Variants in ZMYM1 observed in about 807,000 individuals in gnomAD.
ZMYM1 encodes zinc finger MYM-type protein 1.
ZMYM1 carries 39 observed loss-of-function variants against 60.0 expected under a neutral mutation model. The ratio of observed to expected loss-of-function variants is 0.65; its 90% confidence interval spans 0.50 to 0.85. ZMYM1 has a LOEUF of 0.85. ZMYM1 is among the 40% of genes least tolerant of loss of function. The probability of loss-of-function intolerance (pLI) is 0.00; values close to 1 mark genes in which losing one functional copy is unlikely to be tolerated. For synonymous variants in ZMYM1, 413 were observed against 454.0 expected, an observed-to-expected ratio of 0.91 and a Z score of 1.15; for missense variants, 1,171 against 1,309.5, an observed-to-expected ratio of 0.89 and a Z score of 1.63.
intron 1 of ZMYM1, among the ~76,000 whole-genome samples, chr1:35,061,820 T>TTTATTTATTTATTTATTTATTTA (rs1641882767): frequency 5.5e-5 from 8 of 145,574 alleles, no homozygotes; most frequent in African/African-American, 2.2e-4. Flanking sequence ...TCCCTTTTAT[T>TTTATTTATTTATTTATTTATTTA]TTTATTTATT....
At position 35,113,002 on chromosome 1, in the gene ZMYM1, C is replaced by A. The variant is rs1003379963; in HGVS notation, c.1172C>A (p.Pro391His). 6.4e-7 allele frequency: 1 copy of A among 1,572,250 alleles called. No homozygotes were observed. Among genetic ancestry groups the A allele is most frequent in the Non-Finnish European group, 8.6e-7 (1 of 1,162,146 alleles). Residue 391 changes from proline to histidine, a missense_variant, in exon 10 of 10, where the codon CCC becomes CAC. By Grantham distance (77) the Pro-to-His change is moderately conservative. Coordinates refer to ENST00000359858, the MANE Select transcript of ZMYM1 (RefSeq NM_024772.5). Reference sequence around the variant, plus strand: ...CTTTCTAAGAGTTCACCTAGTGAACCCAGTAATGCTGTTGCTAGTAGTAGT... The same window carrying A: ...CTTTCTAAGAGTTCACCTAGTGAACACAGTAATGCTGTTGCTAGTAGTAGT... ...VDLSKSSPSEPSNAVASSSTE... is the reference protein window; with the variant it reads ...VDLSKSSPSEHSNAVASSSTE...
At chr1:35,102,934 C>A (rs910032711) in intron 4 of ZMYM1, among the ~76,000 whole-genome samples, 1 of 152,102 alleles carries the variant, frequency 6.6e-6, no homozygotes, top group Non-Finnish European at 1.5e-5. Context: ...AAATATTTTG[C>A]TGTTTCATTG....
At chr1:35,085,750 A>G (rs1642620152) in intron 1 of ZMYM1, among the ~76,000 whole-genome samples, 1 of 152,154 alleles carries the variant, frequency 6.6e-6, no homozygotes, top group Admixed American at 6.6e-5. Flanking sequence ...ATAGGGAATT[A>G]TTGTTGTTAA....
upstream of ZMYM1, among the ~76,000 whole-genome samples, chr1:35,077,876 C>T (rs72905061): frequency 3.5e-3 from 527 of 152,306 alleles, 5 homozygotes; most frequent in African/African-American, 0.012. Flanking sequence ...TGCAATTCCC[C>T]GTCTTGATAA....
At chr1:35,106,608 CAAAAAAAAAA>C (rs752085700) in intron 6 of ZMYM1, among the ~76,000 whole-genome samples, 60 of 38,862 alleles carry the variant, frequency 1.5e-3, no homozygotes, top group African/African-American at 5.3e-3. Context: ...GACTCCGTCT[CAAAAAAAAAA>C]AAAAAAAAAA....
chr1:35,068,649 A>AAAAT (rs1451846357), intron 1 of ZMYM1, among the ~76,000 whole-genome samples: 1 of 145,280 alleles, frequency 6.9e-6, no homozygotes, highest in East Asian at 2.0e-4. Flanking sequence ...CAAAAAAAAA[A>AAAAT]ATATATATAT....
chr1:35,100,117 C>T (rs902469233), intron 4 of ZMYM1, among the ~76,000 whole-genome samples: 6 of 152,082 alleles, frequency 3.9e-5, no homozygotes, highest in Non-Finnish European at 7.4e-5. Flanking sequence ...TCTCGAACTC[C>T]GGACCTCAGG....
At chr1:35,087,476 GAGTGC>G (rs1206276477) in intron 1 of ZMYM1, among the ~76,000 whole-genome samples, 4 of 151,158 alleles carry the variant, frequency 2.6e-5, no homozygotes, top group Non-Finnish European at 5.9e-5. Context: ...GCCCAGGCTG[GAGTGC>G]AATGGCGCAG....
chr1:35,117,731 G>A (rs1441399554), downstream of ZMYM1, among the ~76,000 whole-genome samples: 3 of 151,952 alleles, frequency 2.0e-5, no homozygotes, highest in Non-Finnish European at 2.9e-5. Context: ...ACTTGAGGTC[G>A]GGAGTTCAAG....
upstream of ZMYM1, among the ~76,000 whole-genome samples, chr1:35,076,381 G>A (rs12082812): frequency 0.12 from 18,897 of 152,176 alleles, 3,773 homozygotes; most frequent in African/African-American, 0.42. Context: ...CAGCACTTTG[G>A]GAGGCTGAGG....
chr1:35,111,497 T>TTTTAACAAATTAAAGAA (rs1370227196), intron 7 of ZMYM1, among the ~76,000 whole-genome samples: 2 of 152,210 alleles, frequency 1.3e-5, no homozygotes, highest in Admixed American at 1.3e-4. Flanking sequence ...TTGCTCATAA[T>TTTTAACAAATTAAAGAA]TTTAAACAAA....
intron 2 of ZMYM1, 87 bp from the exon 3 acceptor site, chr1:35,095,732 A>G (rs1362644551): frequency 1.0e-5 from 12 of 1,162,358 alleles, no homozygotes; most frequent in Non-Finnish European, 1.5e-5. Flanking sequence ...AGACTTGACC[A>G]CAATTTATCA....
intron 4 of ZMYM1, among the ~76,000 whole-genome samples, chr1:35,100,573 G>A (rs1569972096): frequency 6.6e-6 from 1 of 151,156 alleles, no homozygotes; most frequent in East Asian, 2.0e-4. Flanking sequence ...AGTGAGCTGA[G>A]ATTGTACGAC....
At chr1:35,106,308 TC>T (rs1163129539) in intron 6 of ZMYM1, among the ~76,000 whole-genome samples, 1 of 151,878 alleles carries the variant, frequency 6.6e-6, no homozygotes, top group African/African-American at 2.4e-5. Context: ...TATACAGACT[TC>T]CTTAAAAACA....
downstream of ZMYM1, among the ~76,000 whole-genome samples, chr1:35,117,143 T>A (rs1570059847): frequency 6.6e-6 from 1 of 151,512 alleles, no homozygotes; most frequent in African/African-American, 2.4e-5. Flanking sequence ...TTTTTTTTTT[T>A]TAAAGACTAT....
intron 1 of ZMYM1, among the ~76,000 whole-genome samples, chr1:35,089,878 T>TG (rs1384968817): frequency 6.7e-6 from 1 of 148,646 alleles, no homozygotes; most frequent in African/African-American, 2.5e-5. Flanking sequence ...CCCGAGTAGC[T>TG]GGGACTACAG....
intron 2 of ZMYM1, 134 bp from the exon 3 acceptor site, chr1:35,095,685 G>A (rs1643273215): frequency 4.7e-6 from 3 of 634,532 alleles, no homozygotes; most frequent in Non-Finnish European, 8.1e-6. Flanking sequence ...GCATACCTGT[G>A]TATTTTGGTT....
Position 35,113,470 on chromosome 1 carries a change from T to C in ZMYM1, c.1640T>C (p.Ile547Thr), listed in dbSNP as rs1216953243. ...SDDLSIHSKQ[I>T]EGNKKYLKLI... is the part of the protein sequence containing the mutation. ...GATTTATCTATTCATTCGAAACAGA[T>C]TGAGGGAAATAAAAAGTACCTAAAG... The change falls in exon 10 of 10, where the codon ATT becomes ACT. Residue 547 changes from isoleucine (I) to threonine (T), a missense_variant. Coordinates refer to ENST00000359858, the MANE Select transcript of ZMYM1 (RefSeq NM_024772.5). 3.1e-6 allele frequency: 5 copies of C among 1,612,242 alleles called. No individual in the cohort carries two copies. The highest frequency in any genetic ancestry group is 4.2e-6 in the Non-Finnish European group (5 of 1,179,590).
chr1:35,090,947 C>CAA (rs886874837), intron 1 of ZMYM1, among the ~76,000 whole-genome samples: 5 of 135,430 alleles, frequency 3.7e-5, no homozygotes, highest in African/African-American at 1.4e-4. Context: ...ACTCTTGTCT[C>CAA]AAAAAAAAAA....
Sources: allele counts gnomAD v4.1 joint callset (sites outside exome capture counted in the v4.1 genomes callset), GRCh38; gene constraint gnomAD v4.1.1; transcripts MANE v1.5; gene names NCBI Gene and HGNC (gene_info 2026-07-23, HGNC 2026-07-21).